Variants in MTA1 observed in about 807,000 individuals in gnomAD.
MTA1 encodes the protein metastasis associated 1.
In MTA1, 15 loss-of-function variants were observed where a neutral mutation model predicts 97.0. The observed-to-expected ratio is 0.15, with a 90% confidence interval of 0.10 to 0.24. The LOEUF is 0.24. Among genes scored for constraint, MTA1 ranks in the 10% least tolerant of loss-of-function variants. The pLI, the probability that MTA1 is intolerant of heterozygous loss-of-function variation, is 1.00. For missense variants in MTA1, 709 were observed against 1,015.1 expected, an observed-to-expected ratio of 0.70 and a Z score of 4.10; for synonymous variants, 435 against 417.5, an observed-to-expected ratio of 1.04 and a Z score of -0.51.
chr14:105,449,490 G>A, intron 4 of MTA1, 81 bp downstream of exon 4: 1 of 1,493,182 alleles, frequency 6.7e-7, no homozygotes, highest in Non-Finnish European at 9.1e-7. Flanking sequence ...GAGGGACAGA[G>A]TTTGGGCGGG....
chr14:105,422,062 TG>T lies in MTA1; in HGVS notation c.28+2000del, dbSNP rs2081855869. ...GCACAGCCACGCGTGGGATCCAGAC[TG>T]CTTCTGCGTGTGCAGTCCGTGGTCA... On this transcript the variant is annotated intron_variant, in intron 1 of 20. Transcript: ENST00000331320. The surrounding 1 kb of genome is among the most constrained non-coding windows in gnomAD (Gnocchi z 4.3). Among the ~76,000 whole-genome samples the T allele has an allele frequency of 6.6e-6, 1 of 152,218 alleles. No individual in the cohort carries two copies. Among genetic ancestry groups the T allele is most frequent in the Admixed American group, 6.5e-5 (1 of 15,292 alleles).
At chr14:105,445,809 T>C in intron 3 of MTA1, 2 of 481,478 alleles carry the variant, frequency 4.2e-6, no homozygotes, top group African/African-American at 2.0e-5. Flanking sequence ...TGATCGAGGC[T>C]TCTTTTTCCC....
At chr14:105,426,731 T>C (rs909430930) in intron 1 of MTA1, among the ~76,000 whole-genome samples, 1 of 152,156 alleles carries the variant, frequency 6.6e-6, no homozygotes, top group African/African-American at 2.4e-5. Context: ...TCTTGGACTT[T>C]GTGGGGACAG....
At chr14:105,434,888 G>A (rs1329617476) in intron 1 of MTA1, among the ~76,000 whole-genome samples, 5 of 152,086 alleles carry the variant, frequency 3.3e-5, no homozygotes, top group African/African-American at 1.2e-4. Context: ...TAGACTCTGG[G>A]GATTTCTATA....
At chr14:105,442,243 G>C (rs587611001) in intron 2 of MTA1, among the ~76,000 whole-genome samples, 5 of 152,304 alleles carry the variant, frequency 3.3e-5, no homozygotes, top group Admixed American at 3.3e-4. Flanking sequence ...GCCGCGTTCA[G>C]GTGTGGAGGC....
At chr14:105,458,458 A>G (rs1595390193) in intron 8 of MTA1, 86 bp downstream of exon 8, 2 of 1,187,460 alleles carry the variant, frequency 1.7e-6, no homozygotes, top group Non-Finnish European at 2.5e-6. Flanking sequence ...TGGGGACGTG[A>G]CAGTCTTGGA....
rs1190758122 is a variant in MTA1 at position 105,420,881 on chromosome 14, C to T, written c.28+818C>T. On this transcript the variant is annotated intron_variant, in intron 1 of 20. Transcript: ENST00000331320. This position sits in a 1 kb window ranked among gnomAD's most constrained non-coding sequence, Gnocchi z 5.3. ...GCATTCCATCATTCCATCAGCGCCT[C>T]CCTCCCCAGGACTCTGAGACCCCTC... Among the ~76,000 whole-genome samples, 5 of 152,154 alleles carry T rather than the reference C, an allele frequency of 3.3e-5. No homozygotes were observed. Among genetic ancestry groups the T allele is most frequent in the African/African-American group, 1.2e-4 (5 of 41,440 alleles).
At chr14:105,467,392 G>A (rs2083639244) in intron 18 of MTA1, 3 of 455,494 alleles carry the variant, frequency 6.6e-6, no homozygotes, top group Admixed American at 2.4e-5. Context: ...GTGCTGGCCA[G>A]GGCAGCAGGG....
chr14:105,439,972 G>A lies in MTA1; in HGVS notation c.96+1233G>A, dbSNP rs587764057. Among the ~76,000 whole-genome samples the A allele has an allele frequency of 4.6e-5, 7 of 152,322 alleles. No individual in the cohort carries two copies. The South Asian group carries it at 8.3e-4, about 18-fold the overall frequency. Reference sequence around the variant, plus strand: ...CTCTGACGTAGCCATGCTGGGCTCCGGGCTTCCCTGGCTGCGCTTGTCGAG... The same window carrying A: ...CTCTGACGTAGCCATGCTGGGCTCCAGGCTTCCCTGGCTGCGCTTGTCGAG... On this transcript the variant is annotated intron_variant, in intron 2 of 20. Transcript: ENST00000331320.
rs1555430753 is a variant in MTA1, at chr14:105,460,457, G to C, written c.753G>C (p.Leu251=). 3.1e-6 allele frequency: 5 copies of C among 1,608,290 alleles called. No homozygotes were observed. The East Asian group carries it at 6.7e-5, about 22-fold the overall frequency. Residue 251 remains leucine (L), a splice_region_variant and synonymous_variant, in exon 9 of 21, where the codon CTG becomes CTC. Transcript: ENST00000331320. ...SAAAASRDIT[L]FHAMDTLHKN... The stretch of plus-strand genomic sequence containing the variant: ...CAGCTGCCTCCCGAGACATCACCCT[G>C]GTAAGTGGGCCCAGGGCGGGACAGG...
At chr14:105,441,098 C>T (rs112441955) in intron 2 of MTA1, among the ~76,000 whole-genome samples, 2,513 of 151,592 alleles carry the variant, frequency 0.017, 64 homozygotes, top group African/African-American at 0.058. Flanking sequence ...GCTGGCAGCG[C>T]GGAAGGCCTG....
At position 105,449,369 on chromosome 14, in the gene MTA1, C is replaced by G. The variant is rs913690274; in HGVS notation, c.201C>G (p.Val67=). ...CTGTCTGTTATATAGCCCTGTCAGT[C>G]TGCTATAAGGCCGGACCGGGGGCGG... ...ALADKHATLS[V]CYKAGPGADN... Residue 67 remains valine (V), a synonymous_variant, in exon 4 of 21, where the codon GTC becomes GTG. Coordinates refer to ENST00000331320, the MANE Select transcript of MTA1 (RefSeq NM_004689.4). The G allele has an allele frequency of 6.2e-7, 1 of 1,612,514 alleles. No individual in the cohort carries two copies. Among genetic ancestry groups the G allele is most frequent in the Non-Finnish European group, 8.5e-7 (1 of 1,179,316 alleles).
intron 7 of MTA1, among the ~76,000 whole-genome samples, chr14:105,457,130 G>A (rs761545555): frequency 1.3e-5 from 2 of 152,224 alleles, no homozygotes; most frequent in Non-Finnish European, 1.5e-5. Context: ...AGGGCTGGAG[G>A]GGAGCTGCTT....
intron 2 of MTA1, among the ~76,000 whole-genome samples, chr14:105,443,599 T>A (rs587764439): frequency 6.6e-6 from 1 of 152,326 alleles, no homozygotes; most frequent in African/African-American, 2.4e-5. Context: ...GGTCTTGAAC[T>A]CCTGGGAGTG....
intron 7 of MTA1, 70 bp from the exon 8 acceptor site, chr14:105,458,200 C>T (rs587605699): frequency 7.3e-7 from 1 of 1,365,366 alleles, no homozygotes; most frequent in African/African-American, 1.4e-5. Context: ...TCCCCGCACC[C>T]GGGGAGGAGA....
chr14:105,467,469 G>A, intron 18 of MTA1: 1 of 456,000 alleles, frequency 2.2e-6, no homozygotes, highest in South Asian at 1.5e-5. Flanking sequence ...TGTCCCCTTG[G>A]GGCATTCTCT....
chr14:105,463,343 G>A lies in MTA1; in HGVS notation c.1017+85G>A. The A allele has an allele frequency of 2.6e-6, 4 of 1,537,720 alleles. No homozygotes were observed. The highest frequency in any genetic ancestry group is 3.6e-6 in the Non-Finnish European group (4 of 1,114,604). On this transcript the variant is annotated intron_variant, in intron 11 of 20. Coordinates refer to ENST00000331320, the MANE Select transcript of MTA1 (RefSeq NM_004689.4). This position sits in a 1 kb window ranked among gnomAD's most constrained non-coding sequence, Gnocchi z 5.9. Reference sequence around the variant, plus strand: ...CTCTCCCAGCAGGTGGGCGTGCACTGCTGCAGCAGGAGGGGAAGGAAGACT... The same window carrying A: ...CTCTCCCAGCAGGTGGGCGTGCACTACTGCAGCAGGAGGGGAAGGAAGACT...
chr14:105,430,567 C>T (rs1235078848), intron 1 of MTA1, among the ~76,000 whole-genome samples: 2 of 152,160 alleles, frequency 1.3e-5, no homozygotes, highest in Non-Finnish European at 2.9e-5. Flanking sequence ...GGAAAAATGG[C>T]ACCGATGGAC....
In MTA1 at chr14:105,466,233, C is replaced by T. The variant is rs587744059; in HGVS notation, c.1625-193C>T. 1.0e-4 allele frequency: 60 copies of T among 592,420 alleles called. No homozygotes were observed. The East Asian group carries it at 1.6e-3, about 16-fold the overall frequency. The allele number at this position is 592,420 out of a possible 1,614,324, so 36.7% of individuals were successfully genotyped here. A position where few individuals can be genotyped will look rare whatever the true frequency, so the allele number is the denominator to read the frequency against. ...GGACTGGCCCGGGCACACGCCTTGC[C>T]GAGGGCTTCTGGGCTTCTGGTTCTG... On this transcript the variant is annotated intron_variant, in intron 16 of 20. Transcript: ENST00000331320.
Sources: gnomAD v4.1 joint callset for allele counts (sites outside exome capture counted in the v4.1 genomes callset) on GRCh38, gnomAD v4.1.1 for gene constraint, Gnocchi (gnomAD v3.1) non-coding constraint, MANE v1.5 for transcripts, NCBI Gene and HGNC (gene_info 2026-07-23, HGNC 2026-07-21) for gene names.